The following DNAH5 variants were observed in gnomAD, a reference collection of about 807,000 sequenced individuals.
The protein encoded by DNAH5 is dynein axonemal heavy chain 5, also known as axonemal beta dynein heavy chain 5.
In DNAH5, 372 loss-of-function variants were observed where a neutral mutation model predicts 518.2. The observed-to-expected ratio is 0.72, with a 90% CI of 0.66 to 0.78. DNAH5 has a LOEUF of 0.78. DNAH5 is among the 30% of genes least tolerant of loss of function. The probability of loss-of-function intolerance (pLI) is 0.00; values close to 1 mark genes in which losing one functional copy is unlikely to be tolerated. For missense variants in DNAH5, 5,523 were observed against 5,687.0 expected, an observed-to-expected ratio of 0.97 and a Z score of 0.93; for synonymous variants, 2,039 against 2,025.9, an observed-to-expected ratio of 1.01 and a Z score of -0.17.
rs576546648 is a variant in DNAH5, at chr5:13,834,760, G to A, written c.5883-3985C>T. Among the ~76,000 whole-genome samples the A allele has an allele frequency of 1.2e-4, 19 of 152,380 alleles. No individual in the cohort carries two copies. In the South Asian group the frequency reaches 3.9e-3, roughly 32 times the overall value. On this transcript the variant is annotated intron_variant, in intron 35 of 78. Coordinates refer to ENST00000265104, the MANE Select transcript of DNAH5 (RefSeq NM_001369.3). ...CAGGGCTGCGCCACAGCTGTGCAAGGAGCAGGTGGCCTGAGCTGAATGAGG... is the reference window on the plus strand; with the variant it reads ...CAGGGCTGCGCCACAGCTGTGCAAGAAGCAGGTGGCCTGAGCTGAATGAGG...
intron 47 of DNAH5, among the ~76,000 whole-genome samples, chr5:13,803,281 T>C (rs970686760): frequency 9.9e-5 from 15 of 152,244 alleles, no homozygotes; most frequent in African/African-American, 3.6e-4. Flanking sequence ...CTTCCCATTT[T>C]ATTGTAATTC....
At position 13,752,117 on chromosome 5, in the gene DNAH5, C is replaced by A. The variant is rs769053585; in HGVS notation, c.11028+17G>T. 1 of 1,613,362 alleles carries A rather than the reference C, an allele frequency of 6.2e-7. No homozygotes were observed. Among genetic ancestry groups the A allele is most frequent in the Non-Finnish European group, 8.5e-7 (1 of 1,179,474 alleles). On this transcript the variant is annotated intron_variant, in intron 64 of 78. Coordinates refer to ENST00000265104, the MANE Select transcript of DNAH5 (RefSeq NM_001369.3). ...TGGTAATTGTTCTGCACATTGTCAT[C>A]CATAGGTTTAACCTACCTTAAAGGT...
Position 13,913,096 on chromosome 5 carries a change from T to C in DNAH5, c.1536+647A>G, listed in dbSNP as rs747838432. On this transcript the variant is annotated intron_variant, in intron 11 of 78. Transcript: ENST00000265104. ...GTACCAAAAAAAATTTAAGATTTAG[T>C]GTCACTGTCCCCCAAAAAAGAAAAA... Among the ~76,000 whole-genome samples the C allele has an allele frequency of 5.3e-5, 8 of 152,124 alleles. No homozygotes were observed. The East Asian group carries it at 9.6e-4, about 18-fold the overall frequency.
chr5:13,713,175 A>T (rs1355432031), intron 75 of DNAH5, among the ~76,000 whole-genome samples: 1 of 148,014 alleles, frequency 6.8e-6, no homozygotes, highest in Non-Finnish European at 1.5e-5. Context: ...CGACATATAT[A>T]TATATATACG....
chr5:13,865,065 G>A (rs1040704486), intron 27 of DNAH5, among the ~76,000 whole-genome samples: 49 of 135,408 alleles, frequency 3.6e-4, no homozygotes, highest in African/African-American at 1.3e-3. Flanking sequence ...TGCAATCTCC[G>A]CCCACTGCAA....
At chr5:13,845,767 T>C (rs1367347808) in intron 31 of DNAH5, among the ~76,000 whole-genome samples, 2 of 55,474 alleles carry the variant, frequency 3.6e-5, no homozygotes, top group South Asian at 9.6e-4. Context: ...TTTTAATTTT[T>C]ATTTTTTTTA....
intron 35 of DNAH5, among the ~76,000 whole-genome samples, chr5:13,836,083 G>T (rs1306624665): frequency 2.0e-5 from 3 of 152,142 alleles, no homozygotes; most frequent in African/African-American, 7.2e-5. Context: ...AGGCTTCAGG[G>T]GTTCGGACAT....
chr5:13,717,982 T>C (rs997677284), intron 72 of DNAH5, among the ~76,000 whole-genome samples: 33 of 152,108 alleles, frequency 2.2e-4, no homozygotes, highest in African/African-American at 8.0e-4. Context: ...TAATGATTGA[T>C]ACATATGCAT....
chr5:13,851,783 C>T (rs181854760), intron 30 of DNAH5, among the ~76,000 whole-genome samples: 87 of 152,120 alleles, frequency 5.7e-4, no homozygotes, highest in African/African-American at 2.1e-3. Flanking sequence ...GAATCCTGGG[C>T]AAGATGGCCG....
At chr5:13,938,907 G>C (rs1050700974) in intron 1 of DNAH5, among the ~76,000 whole-genome samples, 4 of 152,094 alleles carry the variant, frequency 2.6e-5, no homozygotes, top group South Asian at 2.1e-4. Flanking sequence ...ACAAATTCAC[G>C]AGCAGAAAAA....
chr5:13,794,151 A>C, intron 47 of DNAH5, 93 bp from the exon 48 acceptor site: 1 of 1,528,472 alleles, frequency 6.5e-7, no homozygotes, highest in Admixed American at 1.8e-5. Flanking sequence ...GTAACCTTTG[A>C]ACTGATATGA....
chr5:13,839,223 T>C lies in DNAH5; in HGVS notation c.5882+133A>G, dbSNP rs530043272. 8.7e-4 allele frequency: 678 copies of C among 781,856 alleles called. 1 individual carries two copies. The highest frequency in any genetic ancestry group is 1.2e-3 in the South Asian group (69 of 58,648). 48.4% of individuals were successfully genotyped at this position (781,856 alleles called of 1,614,324 possible). On this transcript the variant is annotated intron_variant, in intron 35 of 78. Transcript: ENST00000265104. ...TCCCATGTGAAAAGAAAGCTGATAATAAAGCTAAAAATACTAAATTTCAAA... is the reference window on the plus strand; with the variant it reads ...TCCCATGTGAAAAGAAAGCTGATAACAAAGCTAAAAATACTAAATTTCAAA...
At position 13,841,783 on chromosome 5, in the gene DNAH5, G is replaced by T; in HGVS notation, c.5393C>A (p.Ser1798Tyr). Residue 1798 changes from serine to tyrosine, a missense_variant, in exon 33 of 79, where the codon TCC becomes TAC. Physicochemically the swap from Ser to Tyr is moderately radical, Grantham distance 144. Coordinates refer to ENST00000265104, the MANE Select transcript of DNAH5 (RefSeq NM_001369.3). The stretch of plus-strand genomic sequence containing the variant: ...CTGGCGAATCACAAGATGCAATGAG[G>T]ACTGAGATTCTTCCAAAAGAGAATT... ...WLNSLLEESQ[S>Y]SLHLVIRQAA... is the part of the protein sequence containing the mutation. The T allele has an allele frequency of 6.2e-7, 1 of 1,613,780 alleles. No homozygotes were observed. Among genetic ancestry groups the T allele is most frequent in the South Asian group, 1.1e-5 (1 of 91,068 alleles).
At chr5:13,987,011 G>A (rs1038098988) in intron 1 of DNAH5, among the ~76,000 whole-genome samples, 10 of 152,132 alleles carry the variant, frequency 6.6e-5, no homozygotes, top group African/African-American at 1.4e-4. Flanking sequence ...TGAAACGTCC[G>A]TCAGTGGGAA....
Position 13,700,832 on chromosome 5 carries a change from T to C in DNAH5, c.13531A>G (p.Met4511Val). 1 of 1,614,176 alleles carries C rather than the reference T, an allele frequency of 6.2e-7. No homozygotes were observed. Among genetic ancestry groups the C allele is most frequent in the Non-Finnish European group, 8.5e-7 (1 of 1,180,012 alleles). The change falls in exon 78 of 79, where the codon ATG (methionine) becomes GTG (valine). Residue 4511 changes from methionine (M) to valine (V), a missense_variant. Physicochemically the swap from Met to Val is conservative, Grantham distance 21 (BLOSUM62 1). This residue lies in a region of DNAH5 where 387 missense variants were observed against 430.0 expected (regional missense o/e 0.90). Coordinates refer to ENST00000265104, the MANE Select transcript of DNAH5 (RefSeq NM_001369.3). ...RANKGWALDNMVLCNEVTKWM... is the reference protein window; with the variant it reads ...RANKGWALDNVVLCNEVTKWM... ...TTGGTGACTTCATTGCAAAGCACCA[T>C]ATTGTCCAGAGCCCAGCCTTTGTTG...
At chr5:13,777,162 C>G in intron 54 of DNAH5, 40 bp downstream of exon 54, 1 of 1,594,482 alleles carries the variant, frequency 6.3e-7, no homozygotes. Context: ...TGGAGGAAAT[C>G]TGAAGGGATA....
intron 53 of DNAH5, among the ~76,000 whole-genome samples, chr5:13,778,787 A>G (rs2126825569): frequency 6.6e-6 from 1 of 152,292 alleles, no homozygotes; most frequent in African/African-American, 2.4e-5. Context: ...CCTTAGCCAC[A>G]TGGCTATACA....
rs76958987 is a variant in DNAH5 at position 13,716,513 on chromosome 5, C to T, written c.12883G>A (p.Val4295Met). ...TGGATATACTGAAGATAGTTATCCA[C>T]TGTGCTGCATTTTGGAATATTGTAT... is the stretch of plus-strand genomic sequence containing the variant. ...QGYNIPKCST[V>M]DNYLQYIQSL... The change falls in exon 74 of 79, where the codon GTG becomes ATG. Residue 4295 changes from valine (V) to methionine (M), a missense_variant. By Grantham distance (21) the Val-to-Met change is conservative. Coordinates refer to ENST00000265104, the MANE Select transcript of DNAH5 (RefSeq NM_001369.3). The T allele has an allele frequency of 2.3e-5, 37 of 1,613,798 alleles. No individual in the cohort carries two copies. In the East Asian group the frequency reaches 8.3e-4, roughly 36 times the overall value.
At position 13,714,525 on chromosome 5, in the gene DNAH5, G is replaced by C. The variant is rs755271975; in HGVS notation, c.13005C>G (p.Thr4335=). The change falls in exon 75 of 79, where the codon ACC becomes ACG. Residue 4335 remains threonine, a synonymous_variant. Coordinates refer to ENST00000265104, the MANE Select transcript of DNAH5 (RefSeq NM_001369.3). Reference sequence around the variant, plus strand: ...TGTCCTTGGGTTGGATGCCTAGGATGGTGTCCAGCACGTCCTTGGCCAGCT... The same window carrying C: ...TGTCCTTGGGTTGGATGCCTAGGATCGTGTCCAGCACGTCCTTGGCCAGCT... ...QSKLAKDVLD[T]ILGIQPKDTS... 2 of 1,614,150 alleles carry C rather than the reference G, an allele frequency of 1.2e-6. No homozygotes were observed. Among genetic ancestry groups the C allele is most frequent in the Non-Finnish European group, 1.7e-6 (2 of 1,180,008 alleles).
Sources: allele counts gnomAD v4.1 joint callset (sites outside exome capture counted in the v4.1 genomes callset), GRCh38; gene constraint gnomAD v4.1.1; regional missense constraint gnomAD v4.1.1; transcripts MANE v1.5; gene names NCBI Gene and HGNC (gene_info 2026-07-23, HGNC 2026-07-21).